CTNND1: variants seen among roughly 807,000 people sequenced by gnomAD.
The protein encoded by CTNND1 is catenin delta-1.
CTNND1 carries 16 observed loss-of-function variants against 112.1 expected under a neutral mutation model. That is an observed-to-expected ratio of 0.14 (90% CI 0.10 to 0.22). The LOEUF (loss-of-function observed/expected upper bound fraction) is 0.22, where lower values mean the gene tolerates loss of function less well. Among genes scored for constraint, CTNND1 ranks in the 10% least tolerant of loss-of-function variants. CTNND1 has a pLI of 1.00. For missense variants in CTNND1, 1,008 were observed against 1,257.0 expected (o/e 0.80, Z 3.00); for synonymous variants, 420 against 446.5 (o/e 0.94, Z 0.75).
chr11:57,806,113 T>C, intron 10 of CTNND1, 78 bp downstream of exon 10: 1 of 1,499,108 alleles, frequency 6.7e-7, no homozygotes, highest in South Asian at 1.3e-5. Context: ...AGGTACAAAA[T>C]ACTTGGCAAC....
chr11:57,775,567 A>G (rs997111718), intron 1 of CTNND1, among the ~76,000 whole-genome samples: 2 of 152,146 alleles, frequency 1.3e-5, no homozygotes, highest in Non-Finnish European at 2.9e-5. Flanking sequence ...TTTAGACTGT[A>G]TCTGTGGTTT....
At chr11:57,767,217 GC>G (rs1177324213) in intron 1 of CTNND1, among the ~76,000 whole-genome samples, 1 of 152,094 alleles carries the variant, frequency 6.6e-6, no homozygotes, top group African/African-American at 2.4e-5. Context: ...TGATCCGCCT[GC>G]CTTGGCCTCC....
In CTNND1 at chr11:57,811,618, A is replaced by G. The variant is rs980178160; in HGVS notation, c.2638+132A>G. On this transcript the variant is annotated intron_variant, in intron 17 of 20. Coordinates refer to ENST00000399050, the MANE Select transcript of CTNND1 (RefSeq NM_001085458.2). ...TGGGAGGGGAATAATTTTCCACTCC[A>G]GGATCCTAACGCAGAAATGGGTAGG... 1.3e-4 allele frequency: 87 copies of G among 648,920 alleles called. 2 individuals carry two copies. The highest frequency in any genetic ancestry group is 8.3e-4 in the South Asian group (41 of 49,688). 40.2% of individuals were successfully genotyped at this position (648,920 alleles called of 1,614,324 possible).
chr11:57,796,974 A>T lies in CTNND1; in HGVS notation c.938A>T (p.Asp313Val). 1 of 1,479,456 alleles carries T rather than the reference A, an allele frequency of 6.8e-7. No individual in the cohort carries two copies. The highest frequency in any genetic ancestry group is 9.0e-7 in the Non-Finnish European group (1 of 1,105,936). 91.6% of individuals were successfully genotyped at this position (1,479,456 alleles called of 1,614,324 possible). A position where few individuals can be genotyped will look rare whatever the true frequency, so the allele number is the denominator to read the frequency against. ...GTARRTGTPS[D>V]PRRRLRSYED... Reference sequence around the variant, plus strand: ...GCCCGTCGGACTGGGACACCCTCTGACCCTCGTCGGCGCCTCAGGTAGGCA... The same window carrying T: ...GCCCGTCGGACTGGGACACCCTCTGTCCCTCGTCGGCGCCTCAGGTAGGCA... The change falls in exon 6 of 21, where the codon GAC (aspartate) becomes GTC (valine). Residue 313 changes from aspartate to valine, a missense_variant. Physicochemically the swap from Asp to Val is radical, Grantham distance 152 (BLOSUM62 -3). This residue lies in a region of CTNND1 where 404 missense variants were observed against 457.9 expected (regional missense o/e 0.88). Coordinates refer to ENST00000399050, the MANE Select transcript of CTNND1 (RefSeq NM_001085458.2).
chr11:57,813,710 T>TG (rs1166776416), intron 17 of CTNND1, among the ~76,000 whole-genome samples: 5 of 152,238 alleles, frequency 3.3e-5, no homozygotes, highest in Non-Finnish European at 7.3e-5. Flanking sequence ...TGGATTTTCT[T>TG]GATATACATT....
rs772969700 is a variant in CTNND1, at chr11:57,803,132, G to A, written c.1421-489G>A. Reference sequence around the variant, plus strand: ...AGTTTTGTTTGTTTTTTTTGAGATGGAGTCTCGCTCTGTCACCCAGGCTGG... The same window carrying A: ...AGTTTTGTTTGTTTTTTTTGAGATGAAGTCTCGCTCTGTCACCCAGGCTGG... On this transcript the variant is annotated intron_variant, in intron 7 of 20. Coordinates refer to ENST00000399050, the MANE Select transcript of CTNND1 (RefSeq NM_001085458.2). Among the ~76,000 whole-genome samples, 4 of 152,092 alleles carry A rather than the reference G, an allele frequency of 2.6e-5. No homozygotes were observed. In the South Asian group the frequency reaches 8.3e-4, roughly 32 times the overall value.
Position 57,796,698 on chromosome 11 carries a change from A to T in CTNND1, c.662A>T (p.Tyr221Phe), listed in dbSNP as rs928839805. The T allele has an allele frequency of 6.2e-7, 1 of 1,613,918 alleles. No homozygotes were observed. The highest frequency in any genetic ancestry group is 1.7e-5 in the Admixed American group (1 of 60,012). Reference sequence around the variant, plus strand: ...TATAGTCGCCACTATGAAGATGGTTATCCAGGTGGCAGTGATAACTATGGC... The same window carrying T: ...TATAGTCGCCACTATGAAGATGGTTTTCCAGGTGGCAGTGATAACTATGGC... The part of the protein sequence containing the change: ...DGYSRHYEDG[Y>F]PGGSDNYGSL... The change falls in exon 6 of 21, where the codon TAT becomes TTT. Residue 221 changes from tyrosine (Y) to phenylalanine (F), a missense_variant. By Grantham distance (22) the Tyr-to-Phe change is conservative. Transcript: ENST00000399050.
At chr11:57,786,452 G>A (rs2060147864) in intron 1 of CTNND1, among the ~76,000 whole-genome samples, 1 of 152,142 alleles carries the variant, frequency 6.6e-6, no homozygotes, top group Non-Finnish European at 1.5e-5. Context: ...AGAATCGCCT[G>A]AACCCAGGAG....
chr11:57,773,659 G>T (rs1173887243), intron 1 of CTNND1, among the ~76,000 whole-genome samples: 1 of 150,070 alleles, frequency 6.7e-6, no homozygotes, highest in African/African-American at 2.5e-5. Context: ...TTTTTTGGCT[G>T]GGTGCAGTGG....
In CTNND1 at chr11:57,817,979, A is replaced by G. The variant is rs2064064420; in HGVS notation, c.*1671A>G. On this transcript the variant is annotated 3_prime_UTR_variant, in exon 21 of 21. Transcript: ENST00000399050. The stretch of plus-strand genomic sequence containing the variant: ...ATATTGAGGCTATGGGGTAGGAGAA[A>G]AGTGCACAACCCACCACCCCCTTTA... The G allele has an allele frequency of 6.6e-6, 1 of 152,514 alleles. No homozygotes were observed. The highest frequency in any genetic ancestry group is 6.5e-5 in the Admixed American group (1 of 15,268). The allele number at this position is 152,514 out of a possible 1,614,324, so 9.4% of individuals were successfully genotyped here.
rs2064034163 is a variant in CTNND1 at position 57,817,247 on chromosome 11, C to T, written c.*939C>T. On this transcript the variant is annotated 3_prime_UTR_variant, in exon 21 of 21. Transcript: ENST00000399050. Reference sequence around the variant, plus strand: ...CTGGCTTCCCCACTCCCCCGTTTCTCCTTTTCCTATCCTTATAGGCCTGTC... The same window carrying T: ...CTGGCTTCCCCACTCCCCCGTTTCTTCTTTTCCTATCCTTATAGGCCTGTC... The T allele has an allele frequency of 6.5e-6, 1 of 153,028 alleles. No homozygotes were observed. The highest frequency in any genetic ancestry group is 2.1e-4 in the South Asian group (1 of 4,838). 9.5% of individuals were successfully genotyped at this position (153,028 alleles called of 1,614,324 possible).
Position 57,816,391 on chromosome 11 carries a change from C to T in CTNND1, c.*83C>T, listed in dbSNP as rs1401295834. The T allele has an allele frequency of 7.6e-6, 12 of 1,569,574 alleles. No individual in the cohort carries two copies. Among genetic ancestry groups the T allele is most frequent in the Non-Finnish European group, 8.8e-6 (10 of 1,142,438 alleles). ...TTGACTGATGATTTTCCTTTTTCTT[C>T]GCTGGACTATTGTGCCAACTGCCAG... On this transcript the variant is annotated 3_prime_UTR_variant, in exon 21 of 21. Transcript: ENST00000399050.
In CTNND1 at chr11:57,817,628, C is replaced by T. The variant is rs2064050179; in HGVS notation, c.*1320C>T. ...ATATGGGTGGGATTTTGCAAAAATC[C>T]TATTCTGATGAATCTCAAAGTAAGG... On this transcript the variant is annotated 3_prime_UTR_variant, in exon 21 of 21. Transcript: ENST00000399050. 6.6e-6 allele frequency: 1 copy of T among 152,512 alleles called. No individual in the cohort carries two copies. The highest frequency in any genetic ancestry group is 1.5e-5 in the Non-Finnish European group (1 of 68,022). 9.4% of individuals were successfully genotyped at this position (152,512 alleles called of 1,614,324 possible).
chr11:57,808,662 T>A (rs2062986558), intron 14 of CTNND1, 122 bp downstream of exon 14: 1 of 950,498 alleles, frequency 1.1e-6, no homozygotes, highest in African/African-American at 1.7e-5. Context: ...CCCCGCTTCA[T>A]AGTTTATGAA....
intron 1 of CTNND1, among the ~76,000 whole-genome samples, chr11:57,771,589 AGACCTGTCCAGAGAG>A (rs1314305324): frequency 6.6e-6 from 1 of 152,208 alleles, no homozygotes; most frequent in South Asian, 2.1e-4. Context: ...GAGAAGTAAG[AGACCTGTCCAGAGAG>A]GACCAATGGG....
At chr11:57,805,087 C>T (rs1450373424) in intron 9 of CTNND1, among the ~76,000 whole-genome samples, 2 of 150,124 alleles carry the variant, frequency 1.3e-5, no homozygotes, top group South Asian at 2.1e-4. Context: ...TTAGTAGAGA[C>T]GGGGTTTCAC....
At chr11:57,780,281 C>G (rs1285362360) in intron 1 of CTNND1, among the ~76,000 whole-genome samples, 2 of 152,092 alleles carry the variant, frequency 1.3e-5, no homozygotes, top group African/African-American at 4.8e-5. Context: ...TCTCAAACTC[C>G]TGAGCTCAAG....
intron 20 of CTNND1, 63 bp from the exon 21 acceptor site, chr11:57,816,234 T>C: frequency 6.2e-7 from 1 of 1,601,188 alleles, no homozygotes; most frequent in Non-Finnish European, 8.6e-7. Flanking sequence ...CTCAACTTTT[T>C]TGGGGGGGGT....
chr11:57,767,256 C>A (rs544215872), intron 1 of CTNND1, among the ~76,000 whole-genome samples: 1 of 152,130 alleles, frequency 6.6e-6, no homozygotes, highest in Admixed American at 6.5e-5. Flanking sequence ...CCACTGCGCC[C>A]GGCCAGAATT....
Sources: allele counts gnomAD v4.1 joint callset (sites outside exome capture counted in the v4.1 genomes callset), GRCh38; gene constraint gnomAD v4.1.1; regional missense constraint gnomAD v4.1.1; transcripts MANE v1.5; gene names NCBI Gene and HGNC (gene_info 2026-07-23, HGNC 2026-07-21).